IGF2BP3: variants seen among roughly 807,000 people sequenced by gnomAD.
IGF2BP3 encodes the protein insulin-like growth factor 2 mRNA-binding protein 3.
Under a neutral mutation model 73.8 loss-of-function variants are expected in IGF2BP3, and 9 were observed. The ratio of observed to expected loss-of-function variants is 0.12; its 90% CI spans 0.07 to 0.21. The LOEUF (loss-of-function observed/expected upper bound fraction) is 0.21, where lower values mean the gene tolerates loss of function less well. Among genes scored for constraint, IGF2BP3 ranks in the 10% least tolerant of loss-of-function variants. IGF2BP3 has a pLI of 1.00. For missense variants in IGF2BP3, 542 were observed against 714.0 expected, an observed-to-expected ratio of 0.76 and a Z score of 2.75; for synonymous variants, 258 against 256.7, an observed-to-expected ratio of 1.01 and a Z score of -0.05.
chr7:23,403,526 A>G (rs1156375222), intron 3 of IGF2BP3, among the ~76,000 whole-genome samples: 2 of 152,232 alleles, frequency 1.3e-5, no homozygotes, highest in Non-Finnish European at 2.9e-5. Flanking sequence ...ATAGATCTCA[A>G]TAAAAACACT....
chr7:23,390,867 C>G (rs1447669345), intron 3 of IGF2BP3, among the ~76,000 whole-genome samples: 1 of 144,938 alleles, frequency 6.9e-6, no homozygotes, highest in Non-Finnish European at 1.5e-5. Context: ...GGCATGATCT[C>G]GGCTCAGTGC....
chr7:23,450,492 TTCTA>T lies in IGF2BP3; in HGVS notation c.236+17986_236+17989del, dbSNP rs1360891757. Among the ~76,000 whole-genome samples the T allele has an allele frequency of 1.1e-4, 17 of 152,290 alleles. No homozygotes were observed. In the South Asian group the frequency reaches 1.2e-3, roughly 11 times the overall value. On this transcript the variant is annotated intron_variant, in intron 2 of 14. Transcript: ENST00000258729. ...AGTAAAAACTAGTATTTTGAAAAAC[TTCTA>T]TCTATTACCAATGAGCTTTGACAGC...
chr7:23,318,859 G>A (rs180932844), intron 11 of IGF2BP3, among the ~76,000 whole-genome samples: 340 of 152,296 alleles, frequency 2.2e-3, no homozygotes, highest in African/African-American at 7.7e-3. Flanking sequence ...GAGGGACCAA[G>A]GCCGTACCTG....
At chr7:23,336,113 G>A (rs952434635) in intron 10 of IGF2BP3, among the ~76,000 whole-genome samples, 15 of 151,908 alleles carry the variant, frequency 9.9e-5, no homozygotes, top group Non-Finnish European at 1.9e-4. Context: ...CTACTTTCAT[G>A]CTACAAAGCA....
intron 3 of IGF2BP3, chr7:23,414,915 T>C: frequency 5.8e-6 from 1 of 172,538 alleles, no homozygotes. Context: ...CATCACCACA[T>C]CTGCAAGTCC....
At chr7:23,350,662 T>C (rs1784937430) in intron 6 of IGF2BP3, among the ~76,000 whole-genome samples, 1 of 152,268 alleles carries the variant, frequency 6.6e-6, no homozygotes, top group African/African-American at 2.4e-5. Flanking sequence ...GATCCTTCTA[T>C]GTAGCAGGGC....
chr7:23,351,056 G>A (rs1343791982), intron 6 of IGF2BP3, among the ~76,000 whole-genome samples: 1 of 152,138 alleles, frequency 6.6e-6, no homozygotes, highest in Admixed American at 6.5e-5. Context: ...CCAACCAGAA[G>A]AGGATTAGGT....
intron 5 of IGF2BP3, among the ~76,000 whole-genome samples, chr7:23,357,877 T>G (rs1785134999): frequency 6.6e-6 from 1 of 151,542 alleles, no homozygotes; most frequent in Admixed American, 6.6e-5. Flanking sequence ...TTAAGTGACA[T>G]TCATAGAGCT....
At chr7:23,423,962 A>G (rs1042572483) in intron 2 of IGF2BP3, among the ~76,000 whole-genome samples, 1 of 152,026 alleles carries the variant, frequency 6.6e-6, no homozygotes, top group African/African-American at 2.4e-5. Flanking sequence ...TACTAAAAAC[A>G]TAAAAATTAG....
chr7:23,437,377 G>A (rs981529060), intron 2 of IGF2BP3, among the ~76,000 whole-genome samples: 1 of 152,060 alleles, frequency 6.6e-6, no homozygotes, highest in African/African-American at 2.4e-5. Flanking sequence ...CAGCTACTTA[G>A]GGGGCTGAGG....
At chr7:23,387,579 G>A (rs1786126802) in intron 3 of IGF2BP3, among the ~76,000 whole-genome samples, 1 of 152,110 alleles carries the variant, frequency 6.6e-6, no homozygotes, top group Admixed American at 6.5e-5. Flanking sequence ...GGGTGTGTGG[G>A]AACTCTACAC....
intron 3 of IGF2BP3, chr7:23,413,848 C>G (rs758018570): frequency 6.6e-6 from 1 of 152,162 alleles, no homozygotes; most frequent in African/African-American, 2.4e-5. Context: ...TGGGAGAAAA[C>G]AAACCTACCT....
intron 3 of IGF2BP3, among the ~76,000 whole-genome samples, chr7:23,403,973 A>AAT (rs1786748820): frequency 1.4e-5 from 2 of 146,902 alleles, no homozygotes; most frequent in South Asian, 2.2e-4. Context: ...AAAAAAAAAA[A>AAT]TTTTTTTTTT....
At chr7:23,387,401 G>C (rs1468885284) in intron 3 of IGF2BP3, among the ~76,000 whole-genome samples, 3 of 152,170 alleles carry the variant, frequency 2.0e-5, no homozygotes, top group African/African-American at 7.2e-5. Flanking sequence ...TAGTGTCCCA[G>C]ACAGGATCAT....
chr7:23,425,985 A>C (rs1428008344), intron 2 of IGF2BP3, among the ~76,000 whole-genome samples: 1 of 150,916 alleles, frequency 6.6e-6, no homozygotes, highest in Non-Finnish European at 1.5e-5. Flanking sequence ...AAACAAAAAA[A>C]CCCTGACTTT....
rs576131262 is a variant in IGF2BP3, at chr7:23,310,842, G to A, written c.*1520C>T. The A allele has an allele frequency of 2.0e-5, 3 of 151,816 alleles. No individual in the cohort carries two copies. The highest frequency in any genetic ancestry group is 7.3e-5 in the African/African-American group (3 of 41,282). 9.4% of individuals were successfully genotyped at this position (151,816 alleles called of 1,614,324 possible). On this transcript the variant is annotated 3_prime_UTR_variant, in exon 15 of 15. Transcript: ENST00000258729. ...TCCTTTAGATCAGTGTAACATGACTGTGATCATCTTACAAACAAAACTCAA... is the reference window on the plus strand; with the variant it reads ...TCCTTTAGATCAGTGTAACATGACTATGATCATCTTACAAACAAAACTCAA...
At chr7:23,320,399 G>C (rs1784104358) in intron 10 of IGF2BP3, among the ~76,000 whole-genome samples, 1 of 152,068 alleles carries the variant, frequency 6.6e-6, no homozygotes, top group East Asian at 1.9e-4. Context: ...TTGCTCAAGA[G>C]TTCACAGTGA....
At chr7:23,432,842 G>T (rs117163136) in intron 2 of IGF2BP3, among the ~76,000 whole-genome samples, 1 of 152,216 alleles carries the variant, frequency 6.6e-6, no homozygotes, top group Admixed American at 6.5e-5. Flanking sequence ...GTTTCACCAC[G>T]TTGCCCAGAC....
At chr7:23,351,652 G>A in intron 5 of IGF2BP3, 66 bp from the exon 6 acceptor site, 1 of 1,535,638 alleles carries the variant, frequency 6.5e-7, no homozygotes, top group Non-Finnish European at 8.9e-7. Flanking sequence ...TTTTAGCAAA[G>A]CAACACCCAT....
Sources: allele counts gnomAD v4.1 joint callset (sites outside exome capture counted in the v4.1 genomes callset), GRCh38; gene constraint gnomAD v4.1.1; transcripts MANE v1.5; gene names NCBI Gene and HGNC (gene_info 2026-07-23, HGNC 2026-07-21).